C2CD3: variants seen among roughly 807,000 people sequenced by gnomAD.
C2CD3 encodes C2 domain-containing protein 3.
Under a neutral mutation model 234.0 loss-of-function variants are expected in C2CD3, and 148 were observed. The ratio of observed to expected loss-of-function variants is 0.63; its 90% CI spans 0.55 to 0.72. The LOEUF is 0.72. C2CD3 is among the 30% of genes least tolerant of loss of function. The pLI, the probability that C2CD3 is intolerant of heterozygous loss-of-function variation, is 0.00. For missense variants in C2CD3, 2,577 were observed against 2,811.5 expected (o/e 0.92, Z 1.89); for synonymous variants, 1,000 against 1,035.4 (o/e 0.97, Z 0.66).
At chr11:74,022,448 C>T (rs1164632220) in intron 32 of C2CD3, among the ~76,000 whole-genome samples, 12 of 152,162 alleles carry the variant, frequency 7.9e-5, no homozygotes, top group Admixed American at 5.9e-4. Flanking sequence ...CAGGTGGGTC[C>T]GTACGTGTCT....
At chr11:74,097,988 G>C (rs1956171513) in intron 16 of C2CD3, 21 bp downstream of exon 16, 1 of 1,594,870 alleles carries the variant, frequency 6.3e-7, no homozygotes, top group Non-Finnish European at 8.5e-7. Flanking sequence ...ATGACTTTTT[G>C]TAAACCATAG....
rs968237975 is a variant in C2CD3 at position 74,042,128 on chromosome 11, C to CT, written c.5585dup (p.Ala1863GlyfsTer6). The CT allele has an allele frequency of 1.9e-6, 3 of 1,613,416 alleles. No individual in the cohort carries two copies. The Admixed American group carries it at 5.0e-5, about 27-fold the overall frequency. On this transcript the variant is annotated frameshift_variant, in exon 29 of 33. Coordinates refer to ENST00000334126, the MANE Select transcript of C2CD3 (RefSeq NM_001286577.2). LOFTEE classifies it high-confidence loss of function. ...GTTTGTCATCACATGGCAAGGGTGC[C>CT]TCTCCCTGAAGATGCAGGGATTCAT...
intron 3 of C2CD3, among the ~76,000 whole-genome samples, chr11:74,148,593 A>AT (rs961123937): frequency 3.3e-5 from 5 of 151,698 alleles, no homozygotes; most frequent in African/African-American, 7.2e-5. Flanking sequence ...TGACTCATTT[A>AT]TTTTTTTTGA....
At chr11:74,089,446 G>A (rs1955792300) in intron 20 of C2CD3, among the ~76,000 whole-genome samples, 2 of 152,216 alleles carry the variant, frequency 1.3e-5, no homozygotes, top group South Asian at 4.1e-4. Flanking sequence ...GAGTCTACGT[G>A]GAGAATTTAG....
In C2CD3 at chr11:74,037,710, AG is replaced by A. The variant is rs1360958379; in HGVS notation, c.5661-13del. 6.3e-7 allele frequency: 1 copy of A among 1,597,382 alleles called. No homozygotes were observed. Among genetic ancestry groups the A allele is most frequent in the South Asian group, 1.1e-5 (1 of 90,286 alleles). On this transcript the variant is annotated splice_polypyrimidine_tract_variant and intron_variant, in intron 29 of 32. Coordinates refer to ENST00000334126, the MANE Select transcript of C2CD3 (RefSeq NM_001286577.2). The stretch of plus-strand genomic sequence containing the variant: ...CACTCAGATTCTTCCTATAAACAAA[AG>A]GGGGAGAAGAAGACAAAGGGGTAAT...
At chr11:74,070,182 G>A (rs1363099289) in intron 24 of C2CD3, among the ~76,000 whole-genome samples, 1 of 152,184 alleles carries the variant, frequency 6.6e-6, no homozygotes, top group Non-Finnish European at 1.5e-5. Flanking sequence ...CAAACCTTAA[G>A]AGTATTGAAG....
At chr11:74,064,068 C>T (rs1384126083) in intron 24 of C2CD3, among the ~76,000 whole-genome samples, 5 of 151,566 alleles carry the variant, frequency 3.3e-5, no homozygotes, top group Admixed American at 6.6e-5. Context: ...CCACAACAGT[C>T]CCCGGAGTGT....
chr11:74,128,558 A>G (rs942271886), intron 7 of C2CD3: 1 of 151,976 alleles, frequency 6.6e-6, no homozygotes, highest in South Asian at 2.1e-4. Flanking sequence ...TTATTTATTT[A>G]TTTTTTATTG....
chr11:74,078,089 A>C (rs1174600974), intron 23 of C2CD3, 26 bp downstream of exon 23: 1 of 1,597,740 alleles, frequency 6.3e-7, no homozygotes, highest in Non-Finnish European at 8.5e-7. Flanking sequence ...TCAAACTACA[A>C]GAGTTGAATC....
chr11:74,082,367 G>A (rs569247313), intron 22 of C2CD3, among the ~76,000 whole-genome samples: 12 of 152,156 alleles, frequency 7.9e-5, no homozygotes, highest in East Asian at 3.9e-4. Flanking sequence ...CGCCCACCTC[G>A]GCCTCCCAAA....
intron 8 of C2CD3, 29 bp downstream of exon 8, chr11:74,122,959 T>C (rs770085908): frequency 6.3e-7 from 1 of 1,588,466 alleles, no homozygotes; most frequent in South Asian, 1.1e-5. Flanking sequence ...TGTTCTCTAA[T>C]TCTCAATGCT....
rs377021854 is a variant in C2CD3 at position 74,103,115 on chromosome 11, G to C, written c.2580+16C>G. The C allele has an allele frequency of 3.1e-6, 5 of 1,599,270 alleles. No individual in the cohort carries two copies. In the African/African-American group the frequency reaches 6.7e-5, roughly 21 times the overall value. On this transcript the variant is annotated intron_variant, in intron 14 of 32. Transcript: ENST00000334126. ...CCCCTATATTCCTCTAATGGATATGGAATGTACAAAGTTACCTGAGAAAAG... is the reference window on the plus strand; with the variant it reads ...CCCCTATATTCCTCTAATGGATATGCAATGTACAAAGTTACCTGAGAAAAG...
chr11:74,101,958 G>A (rs1956331002), intron 14 of C2CD3, among the ~76,000 whole-genome samples: 1 of 152,114 alleles, frequency 6.6e-6, no homozygotes, highest in Admixed American at 6.6e-5. Context: ...TAGTGTTTTA[G>A]AAAGGTCATT....
chr11:74,150,522 A>C lies in C2CD3; in HGVS notation c.484-10694T>G, dbSNP rs1338128305. 7.6e-3 allele frequency among the ~76,000 whole-genome samples: 480 copies of C among 63,516 alleles called. 5 individuals are homozygous for C. Among genetic ancestry groups the C allele is most frequent in the Non-Finnish European group, 0.012 (379 of 31,396 alleles). The allele number at this position is 63,516 out of a possible 152,430, so 41.7% of individuals were successfully genotyped here. ...AAAAAAAAAAAAAAAAAAACAAAAA[A>C]AAAACAAAACAAATTTCTAAGCTTT... On this transcript the variant is annotated intron_variant, in intron 3 of 32. Transcript: ENST00000334126.
chr11:74,098,983 A>G (rs1956214145), intron 15 of C2CD3, among the ~76,000 whole-genome samples: 1 of 152,238 alleles, frequency 6.6e-6, no homozygotes, highest in Non-Finnish European at 1.5e-5. Flanking sequence ...CTAAACTGAG[A>G]TAACATACAA....
Position 74,034,296 on chromosome 11 carries a change from T to G in C2CD3, c.5882-18A>C. 4.6e-6 allele frequency: 7 copies of G among 1,526,804 alleles called. No homozygotes were observed. Among genetic ancestry groups the G allele is most frequent in the Non-Finnish European group, 6.1e-6 (7 of 1,141,454 alleles). 94.6% of individuals were successfully genotyped at this position (1,526,804 alleles called of 1,614,324 possible). On this transcript the variant is annotated intron_variant, in intron 30 of 32. Transcript: ENST00000334126. The stretch of plus-strand genomic sequence containing the variant: ...CTGCAGATCTGAACAGCAACACATA[T>G]CACTCTTATTACAAGGTAGGGCCAC...
intron 27 of C2CD3, 147 bp downstream of exon 27, chr11:74,049,190 A>C: frequency 1.6e-6 from 1 of 645,044 alleles, no homozygotes; most frequent in African/African-American, 1.8e-5. Context: ...GAACATTTTC[A>C]TCACCCCAAA....
Position 74,057,474 on chromosome 11 carries a change from T to A in C2CD3, c.5022A>T (p.Ser1674=). The A allele has an allele frequency of 6.2e-7, 1 of 1,614,078 alleles. No individual in the cohort carries two copies. Among genetic ancestry groups the A allele is most frequent in the Non-Finnish European group, 8.5e-7 (1 of 1,179,936 alleles). Residue 1674 remains serine (S), a synonymous_variant, in exon 25 of 33, where the codon TCA becomes TCT. Coordinates refer to ENST00000334126, the MANE Select transcript of C2CD3 (RefSeq NM_001286577.2). ...CAACCACTTGGGTGTATACAGGAGA[T>A]GACTCATCGGCTGTTGCAAAGGATA... is the stretch of plus-strand genomic sequence containing the variant. ...CCVSFATADE[S]SPVYTQVVEN...
At chr11:74,125,847 G>A (rs895509393) in intron 7 of C2CD3, among the ~76,000 whole-genome samples, 19 of 152,110 alleles carry the variant, frequency 1.2e-4, no homozygotes, top group Non-Finnish European at 2.2e-4. Flanking sequence ...GTCAATATAT[G>A]TTCCATTCCC....
Sources: gnomAD v4.1 joint callset for allele counts (sites outside exome capture counted in the v4.1 genomes callset) on GRCh38, gnomAD v4.1.1 for gene constraint, MANE v1.5 for transcripts, NCBI Gene and HGNC (gene_info 2026-07-23, HGNC 2026-07-21) for gene names.